UBR7: variants seen among roughly 807,000 people sequenced by gnomAD.
UBR7 encodes ubiquitin protein ligase E3 component n-recognin 7.
In UBR7, 22 loss-of-function variants were observed where a neutral mutation model predicts 57.0. That is an observed-to-expected ratio of 0.39 (90% CI 0.28 to 0.55). UBR7 has a LOEUF of 0.55. Among genes scored for constraint, UBR7 ranks in the 20% least tolerant of loss-of-function variants. The pLI is 0.69. For synonymous variants in UBR7, 167 were observed against 179.8 expected (o/e 0.93, Z 0.57); for missense variants, 395 against 513.2 (o/e 0.77, Z 2.23).
At chr14:93,223,576 C>T (rs1481718675) in intron 10 of UBR7, 4 of 853,032 alleles carry the variant, frequency 4.7e-6, no homozygotes, top group African/African-American at 1.7e-5. Flanking sequence ...ATTTGGGGCA[C>T]ACCCGGGCGA....
intron 2 of UBR7, 121 bp from the exon 3 acceptor site, chr14:93,210,527 G>C: frequency 1.3e-6 from 1 of 786,206 alleles, no homozygotes. Flanking sequence ...ATAAATATTT[G>C]CTTTTGTACA....
rs1479630020 is a variant in UBR7, at chr14:93,214,046, C to T, written c.442-883C>T. Among the ~76,000 whole-genome samples, 3 of 152,262 alleles carry T rather than the reference C, an allele frequency of 2.0e-5. No individual in the cohort carries two copies. The East Asian group carries it at 5.8e-4, about 29-fold the overall frequency. The stretch of plus-strand genomic sequence containing the variant: ...GGTCCAAGCGATTCTTCTGCCTCAG[C>T]CTCCTGAGTAGCTGGGATTACAGGC... On this transcript the variant is annotated intron_variant, in intron 4 of 10. Transcript: ENST00000013070.
At chr14:93,223,459 A>C in intron 10 of UBR7, 3 of 422,218 alleles carry the variant, frequency 7.1e-6, no homozygotes, top group Non-Finnish European at 4.3e-6. Flanking sequence ...GCTACTTGGG[A>C]GGCTGGCTTG....
At chr14:93,224,552 T>A (rs769760565) in intron 10 of UBR7, among the ~76,000 whole-genome samples, 8 of 151,610 alleles carry the variant, frequency 5.3e-5, no homozygotes, top group Non-Finnish European at 7.4e-5. Context: ...TAATGTTTTG[T>A]ATTTTTAGTA....
intron 4 of UBR7, 135 bp from the exon 5 acceptor site, chr14:93,214,794 G>A: frequency 1.3e-6 from 1 of 771,224 alleles, no homozygotes; most frequent in Non-Finnish European, 2.3e-6. Flanking sequence ...TTTGTAAAGT[G>A]CTTATCTCAA....
Position 93,207,342 on chromosome 14 carries a change from G to A in UBR7, c.51G>A (p.Val17=). The stretch of plus-strand genomic sequence containing the variant: ...GGCGGCAGTCGGAGCTGGAGCCCGT[G>A]GTATCGTTGGTCGACGTCCTTGAGG... ...AAGRQSELEP[V]VSLVDVLEED... The change falls in exon 1 of 11, where the codon GTG becomes GTA. Residue 17 remains valine, a synonymous_variant. Transcript: ENST00000013070. 6.4e-7 allele frequency: 1 copy of A among 1,557,900 alleles called. No homozygotes were observed. Among genetic ancestry groups the A allele is most frequent in the Non-Finnish European group, 8.7e-7 (1 of 1,150,576 alleles).
intron 3 of UBR7, 150 bp downstream of exon 3, chr14:93,210,858 A>G (rs1296064122): frequency 2.9e-6 from 2 of 699,982 alleles, no homozygotes; most frequent in Non-Finnish European, 5.0e-6. Context: ...TTACTTTGTT[A>G]GAAAAACTAT....
In UBR7 at chr14:93,227,813, G is replaced by A. The variant is rs1043640; in HGVS notation, c.*778G>A. On this transcript the variant is annotated 3_prime_UTR_variant, in exon 11 of 11. Transcript: ENST00000013070. ...AGGGCTTCCTGGAGAACATTTGCCCGTATACTAGTCCCTTCTCTGCTGCCT... is the reference window on the plus strand; with the variant it reads ...AGGGCTTCCTGGAGAACATTTGCCCATATACTAGTCCCTTCTCTGCTGCCT... The A allele has an allele frequency of 0.098, 68,555 of 700,636 alleles. 3,607 individuals are homozygous for A. Among genetic ancestry groups the A allele is most frequent in the African/African-American group, 0.14 (7,999 of 57,220 alleles). 43.4% of individuals were successfully genotyped at this position (700,636 alleles called of 1,614,324 possible). A position where few individuals can be genotyped will look rare whatever the true frequency, so the allele number is the denominator to read the frequency against.
rs139656903 is a variant in UBR7, at chr14:93,214,839, A to G, written c.442-90A>G. On this transcript the variant is annotated intron_variant, in intron 4 of 10. Transcript: ENST00000013070. Reference sequence around the variant, plus strand: ...TTGGAACACCAGTTCATGTAGAACAAATATTTAGTATCTTATTTTACTGTG... The same window carrying G: ...TTGGAACACCAGTTCATGTAGAACAGATATTTAGTATCTTATTTTACTGTG... The G allele has an allele frequency of 1.1e-4, 134 of 1,174,376 alleles. No homozygotes were observed. The East Asian group carries it at 2.5e-3, about 22-fold the overall frequency. 72.7% of individuals were successfully genotyped at this position (1,174,376 alleles called of 1,614,324 possible).
chr14:93,222,422 G>T (rs1326963491), intron 10 of UBR7, 48 bp downstream of exon 10: 1 of 1,367,018 alleles, frequency 7.3e-7, no homozygotes, highest in Admixed American at 1.7e-5. Flanking sequence ...AGTTTTGAAT[G>T]AAGGGTTTAT....
chr14:93,224,047 T>G (rs1013161302), intron 10 of UBR7: 1 of 993,232 alleles, frequency 1.0e-6, no homozygotes, highest in African/African-American at 1.6e-5. Flanking sequence ...GCGCAAAGAT[T>G]CGCATGTGGT....
chr14:93,209,111 C>A (rs946546726), intron 1 of UBR7, among the ~76,000 whole-genome samples: 21 of 152,190 alleles, frequency 1.4e-4, no homozygotes, highest in Non-Finnish European at 2.8e-4. Flanking sequence ...CCGTGCCCAG[C>A]CTACATATTC....
chr14:93,210,074 TTAATTA>T lies in UBR7; in HGVS notation c.284+118_284+123del. ...AGCAGTTGAACACTAATGAAATTAA[TTAATTA>T]ATTTATTTATTTATTTATTTTGAGA... On this transcript the variant is annotated intron_variant, in intron 2 of 10. Coordinates refer to ENST00000013070, the MANE Select transcript of UBR7 (RefSeq NM_175748.4). 5.9e-4 allele frequency: 385 copies of T among 647,188 alleles called. 2 individuals carry two copies. Among genetic ancestry groups the T allele is most frequent in the Non-Finnish European group, 6.8e-4 (292 of 427,372 alleles). 40.1% of individuals were successfully genotyped at this position (647,188 alleles called of 1,614,324 possible). A position where few individuals can be genotyped will look rare whatever the true frequency, so the allele number is the denominator to read the frequency against.
In UBR7 at chr14:93,207,311, C is replaced by G; in HGVS notation, c.20C>G (p.Ala7Gly). The G allele has an allele frequency of 6.4e-7, 1 of 1,556,966 alleles. No individual in the cohort carries two copies. The highest frequency in any genetic ancestry group is 8.7e-7 in the Non-Finnish European group (1 of 1,149,994). The change falls in exon 1 of 11, where the codon GCC (alanine) becomes GGC (glycine). Residue 7 changes from alanine to glycine, a missense_variant. By Grantham distance (60) the Ala-to-Gly change is moderately conservative. Transcript: ENST00000013070. ...TTGAGGATGGCCGGAGCCGAGGGCG[C>G]CGCTGGGCGGCAGTCGGAGCTGGAG... MAGAEG[A>G]AGRQSELEPV...
chr14:93,225,913 G>A (rs1227974108), intron 10 of UBR7, among the ~76,000 whole-genome samples: 1 of 152,104 alleles, frequency 6.6e-6, no homozygotes, highest in Non-Finnish European at 1.5e-5. Context: ...CCTTCATTTT[G>A]CAACTTGCAA....
Position 93,227,946 on chromosome 14 carries a change from T to C in UBR7, c.*911T>C, listed in dbSNP as rs1004446812. 5.1e-5 allele frequency: 36 copies of C among 700,470 alleles called. No individual in the cohort carries two copies. In the East Asian group the frequency reaches 9.7e-4, roughly 19 times the overall value. 43.4% of individuals were successfully genotyped at this position (700,470 alleles called of 1,614,324 possible). ...CATAAGCATATATCAAAAATGGACC[T>C]ATTTTGATATTCTGTTATGAAAATG... is the stretch of plus-strand genomic sequence containing the variant. On this transcript the variant is annotated 3_prime_UTR_variant, in exon 11 of 11. Coordinates refer to ENST00000013070, the MANE Select transcript of UBR7 (RefSeq NM_175748.4).
At position 93,227,541 on chromosome 14, in the gene UBR7, C is replaced by G; in HGVS notation, c.*506C>G. ...CTGGTCTGCTCCTTCTTTCACGTCC[C>G]TGTTTTCTGAGGTTTGGTCATAGCT... On this transcript the variant is annotated 3_prime_UTR_variant, in exon 11 of 11. Transcript: ENST00000013070. The G allele has an allele frequency of 1.4e-6, 1 of 699,298 alleles. No homozygotes were observed. The highest frequency in any genetic ancestry group is 2.6e-6 in the Non-Finnish European group (1 of 384,428). 43.3% of individuals were successfully genotyped at this position (699,298 alleles called of 1,614,324 possible).
chr14:93,226,943 G>T lies in UBR7; in HGVS notation c.1186G>T (p.Val396Phe), dbSNP rs1413925610. Residue 396 changes from valine to phenylalanine, a missense_variant and splice_region_variant, in exon 11 of 11, where the codon GTT becomes TTT. Physicochemically the swap from Val to Phe is conservative, Grantham distance 50 (BLOSUM62 -1). Coordinates refer to ENST00000013070, the MANE Select transcript of UBR7 (RefSeq NM_175748.4). ...CATAATCTTTGCTTTTCAAAAACAG[G>T]TTGTTAAGAGAGAGGACATTCAGCA... ...YLKRFADEGT[V>F]VKREDIQQFF... The T allele has an allele frequency of 1.2e-6, 2 of 1,611,434 alleles. No individual in the cohort carries two copies. Among genetic ancestry groups the T allele is most frequent in the Admixed American group, 1.7e-5 (1 of 59,938 alleles).
chr14:93,210,588 A>G, intron 2 of UBR7, 60 bp from the exon 3 acceptor site: 1 of 1,458,014 alleles, frequency 6.9e-7, no homozygotes, highest in South Asian at 1.2e-5. Flanking sequence ...ATGCTTGAAG[A>G]AATTTTAAAT....
Sources: gnomAD v4.1 joint callset for allele counts (sites outside exome capture counted in the v4.1 genomes callset) on GRCh38, gnomAD v4.1.1 for gene constraint, MANE v1.5 for transcripts, NCBI Gene and HGNC (gene_info 2026-07-23, HGNC 2026-07-21) for gene names.